Variants in ZNF385D observed in about 807,000 individuals in gnomAD.
The protein encoded by ZNF385D is zinc finger protein 659.
Under a neutral mutation model 35.8 loss-of-function variants are expected in ZNF385D, and 15 were observed. That is an observed-to-expected ratio of 0.42 (90% CI 0.28 to 0.64). The LOEUF is 0.64. Ranked by LOEUF, ZNF385D falls within the 30% of genes least tolerant of loss-of-function variation. ZNF385D has a pLI of 0.23. For missense variants in ZNF385D, 474 were observed against 494.6 expected (o/e 0.96, Z 0.39); for synonymous variants, 212 against 186.8 (o/e 1.13, Z -1.10).
rs184342852 is a variant in ZNF385D at position 21,798,276 on chromosome 3, C to A, written c.326-133248G>T. 1.1e-4 allele frequency among the ~76,000 whole-genome samples: 16 copies of A among 152,274 alleles called. No homozygotes were observed. The East Asian group carries it at 2.5e-3, about 24-fold the overall frequency. On this transcript the variant is annotated intron_variant, in intron 3 of 5. Coordinates refer to the ZNF385D transcript ENST00000494108. ...TGGTTCTTCGGCGCATGGCCTCACT[C>A]GGCTGAAATCAAGATGTCAGCTAGA... is the stretch of plus-strand genomic sequence containing the variant.
At chr3:21,912,345 G>A (rs1380523787) in intron 3 of ZNF385D, among the ~76,000 whole-genome samples, 1 of 148,882 alleles carries the variant, frequency 6.7e-6, no homozygotes, top group Non-Finnish European at 1.5e-5. Flanking sequence ...AATTTTTCTA[G>A]TGGACTTCTG....
intron 2 of ZNF385D, among the ~76,000 whole-genome samples, chr3:22,274,104 C>CT (rs1419724192): frequency 2.0e-5 from 3 of 151,842 alleles, no homozygotes; most frequent in Non-Finnish European, 4.4e-5. Context: ...AATCTAACCC[C>CT]TTCTCCTGGA....
At chr3:22,126,418 G>A (rs1703435473) in intron 3 of ZNF385D, among the ~76,000 whole-genome samples, 1 of 147,572 alleles carries the variant, frequency 6.8e-6, no homozygotes, top group Non-Finnish European at 1.5e-5. Flanking sequence ...TTTACCTCAA[G>A]GAATTTTAAA....
chr3:21,783,024 C>G (rs1224985275), intron 3 of ZNF385D, among the ~76,000 whole-genome samples: 1 of 152,080 alleles, frequency 6.6e-6, no homozygotes, highest in Non-Finnish European at 1.5e-5. Context: ...ATAGCCCTGA[C>G]CCTTACCCTG....
intron 2 of ZNF385D, among the ~76,000 whole-genome samples, chr3:22,184,071 T>G (rs2125783767): frequency 6.6e-6 from 1 of 152,280 alleles, no homozygotes; most frequent in Admixed American, 6.5e-5. Flanking sequence ...GGAGTTCTGA[T>G]CATTAATTTA....
At chr3:22,117,450 A>C (rs1191138262) in intron 3 of ZNF385D, among the ~76,000 whole-genome samples, 1 of 152,038 alleles carries the variant, frequency 6.6e-6, no homozygotes, top group African/African-American at 2.4e-5. Context: ...GAACAGGCTT[A>C]TCTCTCTGGC....
intron 3 of ZNF385D, among the ~76,000 whole-genome samples, chr3:22,011,875 A>G (rs1327210584): frequency 1.3e-5 from 2 of 152,282 alleles, no homozygotes; most frequent in Middle Eastern, 3.4e-3. Flanking sequence ...CTACTATTCT[A>G]CATACTGCAT....
intron 3 of ZNF385D, among the ~76,000 whole-genome samples, chr3:21,840,302 A>C (rs966325567): frequency 1.3e-5 from 2 of 152,068 alleles, no homozygotes; most frequent in African/African-American, 4.8e-5. Flanking sequence ...TCAGACTTCA[A>C]AGACCTAAAA....
intron 3 of ZNF385D, among the ~76,000 whole-genome samples, chr3:22,090,002 C>T (rs1701245715): frequency 6.6e-6 from 1 of 151,996 alleles, no homozygotes; most frequent in Non-Finnish European, 1.5e-5. Flanking sequence ...CCATGCCAGT[C>T]TAATTTTTTT....
chr3:21,965,142 G>A (rs1202763431), intron 3 of ZNF385D, among the ~76,000 whole-genome samples: 1 of 152,124 alleles, frequency 6.6e-6, no homozygotes, highest in Non-Finnish European at 1.5e-5. Flanking sequence ...GACAGCTTTG[G>A]AGCTTAGAAT....
At chr3:21,937,168 T>A (rs760190485) in intron 3 of ZNF385D, among the ~76,000 whole-genome samples, 11 of 151,964 alleles carry the variant, frequency 7.2e-5, no homozygotes, top group Non-Finnish European at 1.6e-4. Context: ...AATACTTCAA[T>A]CAAAGTATAG....
At chr3:21,492,592 G>A (rs1352996359) in intron 4 of ZNF385D, among the ~76,000 whole-genome samples, 1 of 151,452 alleles carries the variant, frequency 6.6e-6, no homozygotes, top group Non-Finnish European at 1.5e-5. Flanking sequence ...AGACTAGCCT[G>A]ACCAATACGG....
intron 3 of ZNF385D, among the ~76,000 whole-genome samples, chr3:21,784,500 T>A (rs1391939744): frequency 2.6e-5 from 4 of 152,118 alleles, no homozygotes; most frequent in Admixed American, 2.6e-4. Flanking sequence ...CGTGTAAAGT[T>A]ACACTAATAT....
chr3:22,156,782 G>A (rs953044693), intron 3 of ZNF385D, among the ~76,000 whole-genome samples: 3 of 151,966 alleles, frequency 2.0e-5, no homozygotes, highest in African/African-American at 2.4e-5. Flanking sequence ...AGGACCGAAC[G>A]CATACCAGGG....
At chr3:22,356,801 T>C (rs899209382) in intron 2 of ZNF385D, among the ~76,000 whole-genome samples, 8 of 151,978 alleles carry the variant, frequency 5.3e-5, no homozygotes, top group African/African-American at 1.7e-4. Flanking sequence ...GAAAGATAGA[T>C]AGATAGCTCT....
intron 2 of ZNF385D, among the ~76,000 whole-genome samples, chr3:22,358,133 G>A (rs1479257597): frequency 6.6e-6 from 1 of 151,822 alleles, no homozygotes; most frequent in Non-Finnish European, 1.5e-5. Flanking sequence ...ATTTCAGCAT[G>A]TTCAAGAAGT....
In ZNF385D at chr3:21,995,377, G is replaced by A. The variant is rs370700540; in HGVS notation, c.325+173440C>T. ...GGGCAGGGCTGTCCTCAGGACCCCCGAGTGTGAACATGGGCACAGGCTACA... is the reference window on the plus strand; with the variant it reads ...GGGCAGGGCTGTCCTCAGGACCCCCAAGTGTGAACATGGGCACAGGCTACA... On this transcript the variant is annotated intron_variant, in intron 3 of 5. Coordinates refer to the ZNF385D transcript ENST00000494108. 8.5e-5 allele frequency among the ~76,000 whole-genome samples: 13 copies of A among 152,286 alleles called. No individual in the cohort carries two copies. In the East Asian group the frequency reaches 9.7e-4, roughly 11 times the overall value.
intron 3 of ZNF385D, among the ~76,000 whole-genome samples, chr3:22,078,864 C>T (rs115096068): frequency 1.0e-3 from 154 of 152,138 alleles, no homozygotes; most frequent in African/African-American, 3.5e-3. Flanking sequence ...CATACAGACT[C>T]TTACACATAA....
chr3:22,118,099 A>G (rs1309638565), intron 3 of ZNF385D, among the ~76,000 whole-genome samples: 2 of 152,136 alleles, frequency 1.3e-5, no homozygotes, highest in Non-Finnish European at 2.9e-5. Context: ...ATGTCATAAA[A>G]TGTTTAGACA....
Sources: allele counts gnomAD v4.1 joint callset (sites outside exome capture counted in the v4.1 genomes callset), GRCh38; gene constraint gnomAD v4.1.1; transcripts MANE v1.5; gene names NCBI Gene and HGNC (gene_info 2026-07-23, HGNC 2026-07-21).